The following SIL1 variants were observed in gnomAD, a reference collection of about 807,000 sequenced individuals.
SIL1 encodes the protein nucleotide exchange factor SIL1.
A neutral mutation model predicts 49.1 loss-of-function variants in SIL1; 40 were observed. That is an observed-to-expected ratio of 0.81 (90% confidence interval 0.63 to 1.06). The LOEUF is 1.06. SIL1 is among the 50% of genes least tolerant of loss of function. The pLI is 0.00. For missense variants in SIL1, 500 were observed against 572.6 expected, an observed-to-expected ratio of 0.87 and a Z score of 1.29; for synonymous variants, 253 against 250.8, an observed-to-expected ratio of 1.01 and a Z score of -0.08.
intron 1 of SIL1, chr5:139,137,235 G>A (rs1750992238): frequency 2.9e-6 from 2 of 682,392 alleles, no homozygotes; most frequent in African/African-American, 1.8e-5. Flanking sequence ...CAAAGTATTA[G>A]TTCATTTACT....
intron 3 of SIL1, among the ~76,000 whole-genome samples, chr5:139,051,935 A>G (rs1259342166): frequency 6.6e-6 from 1 of 152,218 alleles, no homozygotes; most frequent in African/African-American, 2.4e-5. Context: ...AATTTCAGGG[A>G]AAAGGTTTTT....
intron 3 of SIL1, among the ~76,000 whole-genome samples, chr5:139,077,480 C>G (rs1214001648): frequency 6.6e-6 from 1 of 152,222 alleles, no homozygotes; most frequent in South Asian, 2.1e-4. Context: ...CTCCATCTCC[C>G]TAAACTGTTG....
intron 1 of SIL1, among the ~76,000 whole-genome samples, chr5:139,159,759 C>T (rs1439651161): frequency 1.3e-5 from 2 of 152,086 alleles, no homozygotes; most frequent in Non-Finnish European, 2.9e-5. Context: ...GTATATTAGT[C>T]CATCAGGTGC....
chr5:139,008,827 T>TA (rs1371751878), intron 7 of SIL1, among the ~76,000 whole-genome samples: 6 of 152,180 alleles, frequency 3.9e-5, no homozygotes, highest in African/African-American at 1.4e-4. Flanking sequence ...GTCTGAGAGA[T>TA]AGTTTGTTAT....
At chr5:139,022,796 C>A (rs571519088) in intron 6 of SIL1, among the ~76,000 whole-genome samples, 10 of 152,344 alleles carry the variant, frequency 6.6e-5, no homozygotes, top group African/African-American at 2.2e-4. Flanking sequence ...CACAGCCCAG[C>A]TAACTAGGGA....
In SIL1 at chr5:139,121,161, G is replaced by T. The variant is rs141419143; in HGVS notation, c.118C>A (p.Leu40Met). 2 of 1,614,096 alleles carry T rather than the reference G, an allele frequency of 1.2e-6. No individual in the cohort carries two copies. The highest frequency in any genetic ancestry group is 2.7e-5 in the African/African-American group (2 of 75,044). ...GTGCTGCTCTTCTCTGGGTTGGTCA[G>T]GGCAAACTCCTTCTGAGAAAAGAAA... ...LSHQNLKEFA[L>M]TNPEKSSTKE... is the part of the protein sequence containing the mutation. The change falls in exon 3 of 10, where the codon CTG becomes ATG. Residue 40 changes from leucine (L) to methionine (M), a missense_variant. Leu to Met is a conservative substitution (Grantham distance 15). Coordinates refer to ENST00000394817, the MANE Select transcript of SIL1 (RefSeq NM_022464.5).
rs1271981705 is a variant in SIL1, at chr5:139,047,641, TTAG to T, written c.353+3294_353+3296del. ...CAATTTCAGGGAACTGACCCTGCCC[TTAG>T]GCCTCTGTTCCTATTCCAGTGCTAA... On this transcript the variant is annotated intron_variant, in intron 4 of 9. Transcript: ENST00000394817. 2.0e-5 allele frequency among the ~76,000 whole-genome samples: 3 copies of T among 152,384 alleles called. No individual in the cohort carries two copies. In the East Asian group the frequency reaches 5.8e-4, roughly 29 times the overall value.
chr5:139,009,888 C>T (rs1768213871), intron 7 of SIL1, among the ~76,000 whole-genome samples: 1 of 147,636 alleles, frequency 6.8e-6, no homozygotes, highest in South Asian at 2.2e-4. Context: ...CTCTGGCTGC[C>T]CTTAACATTT....
intron 1 of SIL1, among the ~76,000 whole-genome samples, chr5:139,141,255 A>G (rs1751075432): frequency 6.6e-6 from 1 of 152,202 alleles, no homozygotes; most frequent in Non-Finnish European, 1.5e-5. Flanking sequence ...CATTGATTTA[A>G]TAAAATCAAT....
intron 3 of SIL1, among the ~76,000 whole-genome samples, chr5:139,099,933 C>A (rs574407395): frequency 6.6e-6 from 1 of 152,118 alleles, no homozygotes; most frequent in African/African-American, 2.4e-5. Context: ...AAGAGTATAA[C>A]TGGACTGTTC....
At chr5:138,978,223 A>T (rs920787610) in intron 7 of SIL1, among the ~76,000 whole-genome samples, 3 of 139,638 alleles carry the variant, frequency 2.1e-5, no homozygotes, top group African/African-American at 7.9e-5. Context: ...ACTCTCCCCA[A>T]CCCCCACTCC....
At chr5:139,029,003 C>T (rs1439593244) in intron 5 of SIL1, among the ~76,000 whole-genome samples, 1 of 152,232 alleles carries the variant, frequency 6.6e-6, no homozygotes, top group East Asian at 1.9e-4. Flanking sequence ...GTTATATACA[C>T]AGTGGTTCAT....
chr5:139,136,727 A>G (rs1383492300), intron 1 of SIL1, among the ~76,000 whole-genome samples: 1 of 152,222 alleles, frequency 6.6e-6, no homozygotes, highest in Non-Finnish European at 1.5e-5. Context: ...AAAAGGCTCA[A>G]TGGGTCCACT....
chr5:138,982,746 G>A (rs1172761006), intron 7 of SIL1, among the ~76,000 whole-genome samples: 1 of 152,180 alleles, frequency 6.6e-6, no homozygotes, highest in African/African-American at 2.4e-5. Flanking sequence ...CCCTAGCATA[G>A]TTCTTTTCAG....
intron 1 of SIL1, among the ~76,000 whole-genome samples, chr5:139,161,996 G>A (rs1484665809): frequency 6.6e-6 from 1 of 151,266 alleles, no homozygotes; most frequent in South Asian, 2.1e-4. Flanking sequence ...CTGGGCAACA[G>A]AGAGAGACTC....
intron 1 of SIL1, among the ~76,000 whole-genome samples, chr5:139,178,755 T>C (rs1404202199): frequency 6.6e-6 from 1 of 152,158 alleles, no homozygotes; most frequent in African/African-American, 2.4e-5. Flanking sequence ...AATACACTTA[T>C]TCCAAGTGTA....
At chr5:139,112,017 G>C (rs1401859028) in intron 3 of SIL1, among the ~76,000 whole-genome samples, 2 of 152,224 alleles carry the variant, frequency 1.3e-5, no homozygotes, top group Non-Finnish European at 2.9e-5. Flanking sequence ...ACTGGTTTTC[G>C]TATTTTTTTG....
At chr5:139,021,128 G>A (rs1342205212) in intron 7 of SIL1, 43 bp downstream of exon 7, 3 of 1,613,774 alleles carry the variant, frequency 1.9e-6, no homozygotes, top group Non-Finnish European at 2.5e-6. Flanking sequence ...AGCAGATCAG[G>A]CCAAGCAATT....
intron 2 of SIL1, among the ~76,000 whole-genome samples, chr5:139,122,639 G>T (rs1415707676): frequency 6.6e-6 from 1 of 151,616 alleles, no homozygotes; most frequent in Non-Finnish European, 1.5e-5. Context: ...ACTCCCTCCT[G>T]CCTGGGTCCC....
Sources: gnomAD v4.1 joint callset for allele counts (sites outside exome capture counted in the v4.1 genomes callset) on GRCh38, gnomAD v4.1.1 for gene constraint, MANE v1.5 for transcripts, NCBI Gene and HGNC (gene_info 2026-07-23, HGNC 2026-07-21) for gene names.